PCMT1: variants seen among roughly 807,000 people sequenced by gnomAD.
PCMT1 encodes protein-L-isoaspartate (D-aspartate) O-methyltransferase, also known as protein-L-isoaspartate(D-aspartate) O-methyltransferase.
PCMT1 carries 9 observed loss-of-function variants against 29.2 expected under a neutral mutation model. That is an observed-to-expected ratio of 0.31 (90% CI 0.19 to 0.54). The LOEUF is 0.54. Among genes scored for constraint, PCMT1 ranks in the 20% least tolerant of loss-of-function variants. The pLI is 0.95. For missense variants in PCMT1, 184 were observed against 282.2 expected (o/e 0.65, Z 2.49); for synonymous variants, 98 against 97.5 (o/e 1.00, Z -0.03).
At chr6:149,786,804 G>A (rs1377069731) in intron 3 of PCMT1, among the ~76,000 whole-genome samples, 2 of 150,020 alleles carry the variant, frequency 1.3e-5, no homozygotes, top group African/African-American at 5.0e-5. Context: ...GATGGTGGCC[G>A]GAAAGAGGCG....
intron 3 of PCMT1, among the ~76,000 whole-genome samples, chr6:149,773,472 G>A (rs1787424159): frequency 6.6e-6 from 1 of 152,062 alleles, no homozygotes; most frequent in Non-Finnish European, 1.5e-5. Context: ...TCCCACTTCC[G>A]GGTTCATGCC....
intron 1 of PCMT1, among the ~76,000 whole-genome samples, chr6:149,769,308 C>CTTGTTTTTTTTTTTTTT (rs1787214423): frequency 2.8e-5 from 2 of 71,562 alleles, no homozygotes; most frequent in East Asian, 8.7e-4. Flanking sequence ...GTGCAGGATT[C>CTTGTTTTTTTTTTTTTT]TTTTTTTTTT....
Position 149,804,862 on chromosome 6 carries a change from G to A in PCMT1, c.*37+2446G>A, listed in dbSNP as rs552968504. On this transcript the variant is annotated intron_variant, in intron 7 of 7. Transcript: ENST00000464889. ...ATTTTTTTTTTAACTTCATAAAAAG[G>A]TTCCCCTGTTTTCTAATTATATAAA... is the stretch of plus-strand genomic sequence containing the variant. 2.2e-4 allele frequency among the ~76,000 whole-genome samples: 34 copies of A among 152,010 alleles called. 1 individual carries two copies. Among genetic ancestry groups the A allele is most frequent in the African/African-American group, 7.5e-4 (31 of 41,482 alleles).
intron 3 of PCMT1, among the ~76,000 whole-genome samples, chr6:149,776,013 G>T (rs1787549416): frequency 6.6e-6 from 1 of 151,980 alleles, no homozygotes; most frequent in Non-Finnish European, 1.5e-5. Flanking sequence ...TACAAAATTA[G>T]CTGGGCGTGG....
chr6:149,793,652 G>T lies in PCMT1; in HGVS notation c.401G>T (p.Gly134Val). 6.4e-7 allele frequency: 1 copy of T among 1,551,462 alleles called. No homozygotes were observed. The highest frequency in any genetic ancestry group is 8.6e-7 in the Non-Finnish European group (1 of 1,161,316). The change falls in exon 5 of 8, where the codon GGG becomes GTG. Residue 134 changes from glycine (G) to valine (V), a missense_variant. By Grantham distance (109) the Gly-to-Val change is moderately radical (BLOSUM62 -3). Transcript: ENST00000464889. ...GACGATCCAACACTTCTGTCTTCAGGGAGAGTACAGCTTGTTGGTAAGTAT... is the reference window on the plus strand; with the variant it reads ...GACGATCCAACACTTCTGTCTTCAGTGAGAGTACAGCTTGTTGGTAAGTAT... ...RKDDPTLLSS[G>V]RVQLVVGDGR...
chr6:149,790,119 G>A (rs547405745), intron 4 of PCMT1, 61 bp downstream of exon 4: 2 of 995,516 alleles, frequency 2.0e-6, no homozygotes, highest in East Asian at 2.5e-5. Flanking sequence ...TTGGCTGTAT[G>A]TTTTTTTAAC....
At chr6:149,754,964 A>G (rs984311421) in intron 1 of PCMT1, among the ~76,000 whole-genome samples, 5 of 152,164 alleles carry the variant, frequency 3.3e-5, no homozygotes, top group Admixed American at 1.3e-4. Context: ...TTAATTTCTT[A>G]ATTGTGCCTA....
At chr6:149,763,462 T>G (rs923844552) in intron 1 of PCMT1, among the ~76,000 whole-genome samples, 3 of 151,874 alleles carry the variant, frequency 2.0e-5, no homozygotes, top group Admixed American at 6.6e-5. Flanking sequence ...CAGTAATGCC[T>G]AAAAAAGCTT....
Position 149,790,016 on chromosome 6 carries a change from A to AG in PCMT1, c.257dup (p.Ser87IlefsTer24). 1.2e-6 allele frequency: 2 copies of AG among 1,612,312 alleles called. No individual in the cohort carries two copies. Among genetic ancestry groups the AG allele is most frequent in the Non-Finnish European group, 1.7e-6 (2 of 1,179,190 alleles). The stretch of plus-strand genomic sequence containing the variant: ...ATGAAGGAGCTAAAGCTCTTGATGT[A>AG]GGATCTGGAAGTGGAATCCTTACTG... On this transcript the variant is annotated frameshift_variant, in exon 4 of 8. Transcript: ENST00000464889. LOFTEE classifies it high-confidence loss of function.
At chr6:149,782,937 C>G (rs1787875178) in intron 3 of PCMT1, among the ~76,000 whole-genome samples, 1 of 152,066 alleles carries the variant, frequency 6.6e-6, no homozygotes, top group African/African-American at 2.4e-5. Context: ...GGGCAGATCC[C>G]TTGAGCCCAG....
intron 1 of PCMT1, among the ~76,000 whole-genome samples, chr6:149,760,519 G>T (rs965258860): frequency 1.3e-5 from 2 of 152,122 alleles, no homozygotes; most frequent in African/African-American, 4.8e-5. Context: ...AGCCAATGGG[G>T]AGGTAAGCAG....
chr6:149,787,271 A>AGACCGTGGG, intron 3 of PCMT1, among the ~76,000 whole-genome samples: 1 of 71,454 alleles, frequency 1.4e-5, no homozygotes, highest in Non-Finnish European at 3.4e-5. Flanking sequence ...GACCGTGGAA[A>AGACCGTGGG]GAGAGGGAGA....
chr6:149,751,365 TC>T (rs1470803214), intron 1 of PCMT1, among the ~76,000 whole-genome samples: 10 of 151,904 alleles, frequency 6.6e-5, no homozygotes, highest in Non-Finnish European at 1.3e-4. Context: ...TTAACAGTCA[TC>T]CCTTTTTTTC....
At chr6:149,800,551 G>A (rs1199387244) in intron 6 of PCMT1, among the ~76,000 whole-genome samples, 1 of 152,110 alleles carries the variant, frequency 6.6e-6, no homozygotes, top group Non-Finnish European at 1.5e-5. Context: ...TTTATTAATA[G>A]TGATGCGTAA....
intron 1 of PCMT1, among the ~76,000 whole-genome samples, chr6:149,770,550 CA>C (rs1158206535): frequency 6.6e-6 from 1 of 151,628 alleles, no homozygotes; most frequent in Admixed American, 6.6e-5. Context: ...ACTAAAAATA[CA>C]AAAAATTAGC....
chr6:149,775,486 G>T (rs541712531), intron 3 of PCMT1, among the ~76,000 whole-genome samples: 3 of 151,858 alleles, frequency 2.0e-5, no homozygotes, highest in African/African-American at 4.8e-5. Flanking sequence ...CAGGAATATC[G>T]CTAGAAGCCA....
At chr6:149,756,457 C>T (rs1372877882) in intron 1 of PCMT1, among the ~76,000 whole-genome samples, 2 of 148,914 alleles carry the variant, frequency 1.3e-5, no homozygotes, top group Non-Finnish European at 3.0e-5. Context: ...CAAGCGACTC[C>T]TCCATCTCAG....
chr6:149,802,879 C>G (rs923067799), intron 7 of PCMT1, among the ~76,000 whole-genome samples: 5 of 151,518 alleles, frequency 3.3e-5, no homozygotes, highest in Non-Finnish European at 5.9e-5. Context: ...CATGGTGAAA[C>G]CCCGTCTCTA....
At position 149,791,860 on chromosome 6, in the gene PCMT1, T is replaced by C. The variant is rs141573901; in HGVS notation, c.298-1689T>C. On this transcript the variant is annotated intron_variant, in intron 4 of 7. Coordinates refer to ENST00000464889, the MANE Select transcript of PCMT1 (RefSeq NM_001360452.2). ...TTAAAAAATCATTTGGTTTCTGAGT[T>C]GTTTTTCATAAAATGGCATTAATGT... Among the ~76,000 whole-genome samples the C allele has an allele frequency of 8.9e-4, 136 of 152,392 alleles. 1 individual carries two copies. In the East Asian group the frequency reaches 0.026, roughly 29 times the overall value.
Sources: allele counts gnomAD v4.1 joint callset (sites outside exome capture counted in the v4.1 genomes callset), GRCh38; gene constraint gnomAD v4.1.1; transcripts MANE v1.5; gene names NCBI Gene and HGNC (gene_info 2026-07-23, HGNC 2026-07-21).